The following DIP2C variants were observed in gnomAD, a reference collection of about 807,000 sequenced individuals.
The protein encoded by DIP2C is disco-interacting protein 2 homolog C.
In DIP2C, 33 loss-of-function variants were observed where a neutral mutation model predicts 192.4. The observed-to-expected ratio is 0.17, with a 90% CI of 0.13 to 0.23. DIP2C has a LOEUF of 0.23. Ranked by LOEUF, DIP2C falls within the 10% of genes least tolerant of loss-of-function variation. The pLI, the probability that DIP2C is intolerant of heterozygous loss-of-function variation, is 1.00. For synonymous variants in DIP2C, 979 were observed against 864.1 expected (o/e 1.13, Z -2.33); for missense variants, 1,537 against 2,110.1 (o/e 0.73, Z 5.32).
chr10:281,365 C>T (rs746421869), intron 35 of DIP2C, 42 bp from the exon 36 acceptor site: 19 of 1,551,502 alleles, frequency 1.2e-5, no homozygotes, highest in Non-Finnish European at 1.6e-5. Context: ...CCCATAATGC[C>T]GCTCAAGCCG....
At chr10:606,811 G>GCACATCT (rs1272565827) in intron 1 of DIP2C, among the ~76,000 whole-genome samples, 1 of 152,018 alleles carries the variant, frequency 6.6e-6, no homozygotes, top group East Asian at 1.9e-4. Context: ...AGCTACACAC[G>GCACATCT]CACATCTGAC....
At chr10:662,711 T>C (rs922982234) in intron 1 of DIP2C, 5 of 581,564 alleles carry the variant, frequency 8.6e-6, no homozygotes, top group Admixed American at 3.0e-5. Context: ...AGAAAATATA[T>C]ACAATGTTTG....
intron 14 of DIP2C, among the ~76,000 whole-genome samples, chr10:387,205 G>A (rs1963027986): frequency 6.6e-6 from 1 of 152,184 alleles, no homozygotes. Context: ...TGATCTCCAC[G>A]TGAGCCCTGG....
At chr10:503,761 C>T (rs377082372) in intron 1 of DIP2C, among the ~76,000 whole-genome samples, 24 of 152,278 alleles carry the variant, frequency 1.6e-4, no homozygotes, top group South Asian at 1.2e-3. Context: ...CATTTGTAAC[C>T]GCATTTTTAC....
chr10:639,966 T>C (rs551233045), intron 1 of DIP2C, among the ~76,000 whole-genome samples: 4 of 151,990 alleles, frequency 2.6e-5, no homozygotes, highest in African/African-American at 9.7e-5. Flanking sequence ...CTCTGCGCGC[T>C]TTCTCCCACA....
chr10:570,006 G>T (rs189055429), intron 1 of DIP2C, among the ~76,000 whole-genome samples: 4 of 152,262 alleles, frequency 2.6e-5, no homozygotes, highest in African/African-American at 7.2e-5. Context: ...CCCCTGGATA[G>T]TATCAATGGC....
chr10:351,813 C>A (rs149566530), intron 24 of DIP2C, among the ~76,000 whole-genome samples: 1 of 152,096 alleles, frequency 6.6e-6, no homozygotes, highest in African/African-American at 2.4e-5. Flanking sequence ...ACCAGCCCAC[C>A]GGCTCCTTGC....
intron 17 of DIP2C, among the ~76,000 whole-genome samples, chr10:371,675 T>A (rs11251960): frequency 0.43 from 50,623 of 118,414 alleles, 9,692 homozygotes; most frequent in South Asian, 0.58. Context: ...TGGGCTGAGC[T>A]GAGCAGCACC....
At chr10:470,681 G>C (rs529685146) in intron 3 of DIP2C, among the ~76,000 whole-genome samples, 1 of 151,504 alleles carries the variant, frequency 6.6e-6, no homozygotes, top group Non-Finnish European at 1.5e-5. Context: ...ATCGTGGAGA[G>C]AGAGAGAATG....
At chr10:605,557 CTTTA>C (rs746004208) in intron 1 of DIP2C, among the ~76,000 whole-genome samples, 3 of 152,178 alleles carry the variant, frequency 2.0e-5, no homozygotes, top group Non-Finnish European at 4.4e-5. Flanking sequence ...ATCTGTGAAA[CTTTA>C]TTTTCCCCAT....
intron 4 of DIP2C, among the ~76,000 whole-genome samples, chr10:439,615 C>A (rs544710776): frequency 2.0e-5 from 3 of 152,224 alleles, no homozygotes; most frequent in African/African-American, 7.2e-5. Flanking sequence ...TAGAGCAAGA[C>A]CCTGTCTCAA....
At chr10:547,552 G>C (rs375651179) in intron 1 of DIP2C, among the ~76,000 whole-genome samples, 4 of 152,190 alleles carry the variant, frequency 2.6e-5, no homozygotes, top group Non-Finnish European at 5.9e-5. Flanking sequence ...TTATCCAGGA[G>C]GAAGGGAGGG....
intron 4 of DIP2C, among the ~76,000 whole-genome samples, chr10:435,791 TTAAAA>T (rs1343721571): frequency 6.6e-6 from 1 of 152,194 alleles, no homozygotes; most frequent in Admixed American, 6.5e-5. Flanking sequence ...GGCTCAAGTA[TTAAAA>T]TATTTTCTTT....
intron 3 of DIP2C, among the ~76,000 whole-genome samples, chr10:442,356 C>G (rs905031839): frequency 1.1e-4 from 16 of 151,992 alleles, no homozygotes; most frequent in Non-Finnish European, 1.5e-5. Flanking sequence ...TTTGTGCGTA[C>G]TTCTCTCTCT....
chr10:412,265 C>A (rs1965234819), intron 8 of DIP2C, among the ~76,000 whole-genome samples: 1 of 152,212 alleles, frequency 6.6e-6, no homozygotes, highest in African/African-American at 2.4e-5. Context: ...GCTTAAAACA[C>A]CCAAGTGAAC....
intron 1 of DIP2C, among the ~76,000 whole-genome samples, chr10:627,939 C>G (rs1384973840): frequency 6.6e-6 from 1 of 152,262 alleles, no homozygotes; most frequent in Non-Finnish European, 1.5e-5. Flanking sequence ...GGGTCTGTGT[C>G]TGCATCTGTA....
At chr10:674,789 T>TATAGAGAGAGAGAG in intron 1 of DIP2C, among the ~76,000 whole-genome samples, 12 of 62,484 alleles carry the variant, frequency 1.9e-4, no homozygotes, top group African/African-American at 3.6e-4. Context: ...TATATATATA[T>TATAGAGAGAGAGAG]AGAGAGAGAG....
intron 1 of DIP2C, among the ~76,000 whole-genome samples, chr10:558,041 T>C (rs1849004259): frequency 6.6e-6 from 1 of 151,968 alleles, no homozygotes; most frequent in Non-Finnish European, 1.5e-5. Context: ...ATAAAATGCT[T>C]AAGAAGAGTA....
Position 412,841 on chromosome 10 carries a change from C to T in DIP2C, c.1057+1072G>A, listed in dbSNP as rs888751913. The stretch of plus-strand genomic sequence containing the variant: ...ACAAAACCTGCCAACTGACAACAGG[C>T]GGAACTATGTACTGTACTATCCCAA... On this transcript the variant is annotated intron_variant, in intron 8 of 36. Transcript: ENST00000280886. Among the ~76,000 whole-genome samples, 5 of 152,204 alleles carry T rather than the reference C, an allele frequency of 3.3e-5. No homozygotes were observed. In the South Asian group the frequency reaches 6.2e-4, roughly 19 times the overall value.
Sources: gnomAD v4.1 joint callset for allele counts (sites outside exome capture counted in the v4.1 genomes callset) on GRCh38, gnomAD v4.1.1 for gene constraint, MANE v1.5 for transcripts, NCBI Gene and HGNC (gene_info 2026-07-23, HGNC 2026-07-21) for gene names.